IGFBP7: variants seen among roughly 807,000 people sequenced by gnomAD.
IGFBP7 encodes insulin like growth factor binding protein 7.
In IGFBP7, 31 loss-of-function variants were observed where a neutral mutation model predicts 29.4. The ratio of observed to expected loss-of-function variants is 1.05; its 90% CI spans 0.79 to 1.42. IGFBP7 has a LOEUF of 1.42. Ranked by LOEUF, IGFBP7 falls within the 40% of genes most tolerant of loss-of-function variation. The probability of loss-of-function intolerance (pLI) is 0.00; values close to 1 mark genes in which losing one functional copy is unlikely to be tolerated. For missense variants in IGFBP7, 393 were observed against 395.5 expected, an observed-to-expected ratio of 0.99 and a Z score of 0.05; for synonymous variants, 172 against 174.9, an observed-to-expected ratio of 0.98 and a Z score of 0.13.
intron 1 of IGFBP7, among the ~76,000 whole-genome samples, chr4:57,042,301 T>C (rs1310937516): frequency 6.6e-6 from 1 of 152,270 alleles, no homozygotes; most frequent in Admixed American, 6.5e-5. Context: ...TGTTTTTGCA[T>C]GGCTTATGAG....
intron 1 of IGFBP7, among the ~76,000 whole-genome samples, chr4:57,048,298 C>T (rs1297843529): frequency 6.6e-6 from 1 of 152,194 alleles, no homozygotes; most frequent in East Asian, 1.9e-4. Context: ...ATCCACCTGC[C>T]TCGGCCTCCC....
At chr4:57,035,676 G>T (rs1409543953) in intron 2 of IGFBP7, among the ~76,000 whole-genome samples, 1 of 152,170 alleles carries the variant, frequency 6.6e-6, no homozygotes, top group East Asian at 1.9e-4. Flanking sequence ...GGCCAGGGTG[G>T]TCTCGAACTC....
intron 1 of IGFBP7, among the ~76,000 whole-genome samples, chr4:57,108,645 G>A (rs1447687441): frequency 6.6e-6 from 1 of 151,644 alleles, no homozygotes; most frequent in Non-Finnish European, 1.5e-5. Flanking sequence ...AGATTCAAGC[G>A]ATTCTCCTGC....
At position 57,110,034 on chromosome 4, in the gene IGFBP7, A is replaced by C; in HGVS notation, c.318T>G (p.Gly106=). ...GKAGAAAGGP[G]VSGVCVCKSR... is the part of the protein sequence containing the mutation. ...TCTTGCACACGCACACGCCGCTTAC[A>C]CCCGGACCGCCGGCTGCTGCCCCGG... Residue 106 remains glycine (G), a synonymous_variant, in exon 1 of 5, where the codon GGT becomes GGG. Coordinates refer to ENST00000295666, the MANE Select transcript of IGFBP7 (RefSeq NM_001553.3). 1 of 1,557,192 alleles carries C rather than the reference A, an allele frequency of 6.4e-7. No homozygotes were observed. The highest frequency in any genetic ancestry group is 1.2e-5 in the South Asian group (1 of 85,518).
chr4:57,052,424 AC>A (rs1350052576), intron 1 of IGFBP7, among the ~76,000 whole-genome samples: 1 of 152,140 alleles, frequency 6.6e-6, no homozygotes, highest in African/African-American at 2.4e-5. Context: ...GAGGCACTGA[AC>A]CCCAGTGGGG....
intron 1 of IGFBP7, among the ~76,000 whole-genome samples, chr4:57,059,375 G>C (rs2109763733): frequency 6.6e-6 from 1 of 152,226 alleles, no homozygotes; most frequent in East Asian, 1.9e-4. Context: ...ATCGAATAAA[G>C]AAAATGTGGT....
At position 57,073,838 on chromosome 4, in the gene IGFBP7, T is replaced by C. The variant is rs532874591; in HGVS notation, c.476-32905A>G. On this transcript the variant is annotated intron_variant, in intron 1 of 4. Coordinates refer to ENST00000295666, the MANE Select transcript of IGFBP7 (RefSeq NM_001553.3). ...TGAGCCTTCTAAAGCGTGTTCTCTTTATCTGATCCTCAGGACAGTCCTGTG... is the reference window on the plus strand; with the variant it reads ...TGAGCCTTCTAAAGCGTGTTCTCTTCATCTGATCCTCAGGACAGTCCTGTG... Among the ~76,000 whole-genome samples, 37 of 152,270 alleles carry C rather than the reference T, an allele frequency of 2.4e-4. 1 individual carries two copies. In the East Asian group the frequency reaches 6.8e-3, roughly 28 times the overall value.
chr4:57,109,320 T>C (rs11573022), intron 1 of IGFBP7, among the ~76,000 whole-genome samples: 6 of 152,080 alleles, frequency 3.9e-5, no homozygotes, highest in Admixed American at 3.9e-4. Context: ...AGGCTTATAG[T>C]CCCAGCTACT....
At chr4:57,083,819 T>C (rs1228545005) in intron 1 of IGFBP7, among the ~76,000 whole-genome samples, 1 of 152,216 alleles carries the variant, frequency 6.6e-6, no homozygotes, top group African/African-American at 2.4e-5. Flanking sequence ...ACCAGAATAG[T>C]TCTATTTTAT....
At chr4:57,050,384 A>G (rs1724475586) in intron 1 of IGFBP7, among the ~76,000 whole-genome samples, 1 of 151,692 alleles carries the variant, frequency 6.6e-6, no homozygotes, top group Non-Finnish European at 1.5e-5. Flanking sequence ...AGCTGGGATT[A>G]CAGGCAGCCA....
chr4:57,033,212 CT>C lies in IGFBP7; in HGVS notation c.684del (p.Val229Ter), dbSNP rs752517096. ...GTACTCACCAGCACCCAGCCAGTTA[CT>C]TCATGCTTTTCTGGGCCACCCCGGG... is the stretch of plus-strand genomic sequence containing the variant. Reference protein sequence around the residue: ...IQTRGGPEKHEVTGWVLVSPL... With the variant: ...IQTRGGPEKHXVTGWVLVSPL... On this transcript the variant is annotated frameshift_variant, in exon 3 of 5. Coordinates refer to ENST00000295666, the MANE Select transcript of IGFBP7 (RefSeq NM_001553.3). LOFTEE classifies it high-confidence loss of function. 116 of 1,612,742 alleles carry C rather than the reference CT, an allele frequency of 7.2e-5. No homozygotes were observed. Among genetic ancestry groups the C allele is most frequent in the Non-Finnish European group, 9.0e-5 (106 of 1,178,814 alleles).
intron 1 of IGFBP7, among the ~76,000 whole-genome samples, chr4:57,066,992 T>C (rs530086564): frequency 2.2e-4 from 33 of 151,616 alleles, no homozygotes; most frequent in Non-Finnish European, 3.5e-4. Context: ...TTTTTTGGTG[T>C]GTTTTTAGTC....
At chr4:57,066,104 C>T (rs902745243) in intron 1 of IGFBP7, among the ~76,000 whole-genome samples, 1 of 152,202 alleles carries the variant, frequency 6.6e-6, no homozygotes, top group Non-Finnish European at 1.5e-5. Flanking sequence ...ATCAAATCCA[C>T]CCCCCACTTT....
chr4:57,076,902 A>G (rs1398406961), intron 1 of IGFBP7, among the ~76,000 whole-genome samples: 4 of 152,210 alleles, frequency 2.6e-5, no homozygotes, highest in Non-Finnish European at 4.4e-5. Flanking sequence ...TATCTGAGCA[A>G]TAGTTGAAAG....
chr4:57,040,882 T>G lies in IGFBP7; in HGVS notation c.527A>C (p.Gln176Pro), dbSNP rs773145962. Residue 176 changes from glutamine to proline, a missense_variant, in exon 2 of 5, where the codon CAG becomes CCG. By Grantham distance (76) the Gln-to-Pro change is moderately conservative (BLOSUM62 -1). Coordinates refer to ENST00000295666, the MANE Select transcript of IGFBP7 (RefSeq NM_001553.3). Reference sequence around the variant, plus strand: ...GATGACCTCACAGCTCAAGTACACCTGGGCACCAGTGACATTCCAGATGTC... The same window carrying G: ...GATGACCTCACAGCTCAAGTACACCGGGGCACCAGTGACATTCCAGATGTC... ...PKDIWNVTGA[Q>P]VYLSCEVIGI... is the part of the protein sequence containing the mutation. 1 of 1,614,190 alleles carries G rather than the reference T, an allele frequency of 6.2e-7. No individual in the cohort carries two copies. The highest frequency in any genetic ancestry group is 8.5e-7 in the Non-Finnish European group (1 of 1,180,014).
At chr4:57,105,446 T>C (rs1051760965) in intron 1 of IGFBP7, among the ~76,000 whole-genome samples, 1 of 152,218 alleles carries the variant, frequency 6.6e-6, no homozygotes, top group Non-Finnish European at 1.5e-5. Flanking sequence ...TGGGTCTGTC[T>C]ATATGAGGGA....
intron 1 of IGFBP7, among the ~76,000 whole-genome samples, chr4:57,048,485 T>C (rs1724422536): frequency 6.6e-6 from 1 of 152,224 alleles, no homozygotes; most frequent in South Asian, 2.1e-4. Flanking sequence ...GTTTTATAGA[T>C]GGATGGATTT....
At chr4:57,081,693 C>T (rs1250550386) in intron 1 of IGFBP7, among the ~76,000 whole-genome samples, 3 of 151,946 alleles carry the variant, frequency 2.0e-5, no homozygotes, top group Admixed American at 1.3e-4. Context: ...GCAGGGCTTC[C>T]GTTTTGAATA....
At chr4:57,042,415 T>A (rs1724251189) in intron 1 of IGFBP7, among the ~76,000 whole-genome samples, 1 of 152,182 alleles carries the variant, frequency 6.6e-6, no homozygotes, top group Admixed American at 6.5e-5. Context: ...AGTGGCATGA[T>A]CTTGGCTCAC....
Sources: gnomAD v4.1 joint callset for allele counts (sites outside exome capture counted in the v4.1 genomes callset) on GRCh38, gnomAD v4.1.1 for gene constraint, MANE v1.5 for transcripts, NCBI Gene and HGNC (gene_info 2026-07-23, HGNC 2026-07-21) for gene names.